STUM: variants seen among roughly 807,000 people sequenced by gnomAD.
STUM encodes the protein stum, mechanosensory transduction mediator homolog, also known as protein stum homolog.
In STUM, 8 loss-of-function variants were observed where a neutral mutation model predicts 15.3. The observed-to-expected ratio is 0.52, with a 90% confidence interval of 0.31 to 0.94. The LOEUF (loss-of-function observed/expected upper bound fraction) is 0.94, where lower values mean the gene tolerates loss of function less well. STUM is among the 40% of genes least tolerant of loss of function. The pLI, the probability that STUM is intolerant of heterozygous loss-of-function variation, is 0.05. For synonymous variants in STUM, 78 were observed against 88.7 expected, an observed-to-expected ratio of 0.88 and a Z score of 0.68; for missense variants, 142 against 204.9, an observed-to-expected ratio of 0.69 and a Z score of 1.87.
At chr1:226,575,536 G>A (rs1376109555) in intron 1 of STUM, among the ~76,000 whole-genome samples, 2 of 152,224 alleles carry the variant, frequency 1.3e-5, no homozygotes, top group Non-Finnish European at 1.5e-5. Flanking sequence ...TCTGGGTTGT[G>A]GGGAACAGAG....
At chr1:226,555,856 A>G (rs929680853) in intron 1 of STUM, among the ~76,000 whole-genome samples, 1 of 152,248 alleles carries the variant, frequency 6.6e-6, no homozygotes, top group Non-Finnish European at 1.5e-5. Flanking sequence ...TATAAGTCAC[A>G]TAGAGAATTT....
At chr1:226,585,220 G>A (rs1044987615) in intron 1 of STUM, among the ~76,000 whole-genome samples, 12 of 152,180 alleles carry the variant, frequency 7.9e-5, no homozygotes, top group South Asian at 6.2e-4. Context: ...ACAAGTCAAC[G>A]TGAGAGCAGG....
intron 1 of STUM, among the ~76,000 whole-genome samples, chr1:226,591,072 C>T (rs759124834): frequency 6.6e-5 from 10 of 152,196 alleles, no homozygotes; most frequent in African/African-American, 2.4e-4. Context: ...TTGGGTAGAG[C>T]GTTTTATTTA....
At position 226,609,059 on chromosome 1, in the gene STUM, T is replaced by C. The variant is rs1411330170; in HGVS notation, c.*7019T>C. The C allele has an allele frequency of 6.6e-6, 1 of 152,278 alleles. No homozygotes were observed. The highest frequency in any genetic ancestry group is 1.5e-5 in the Non-Finnish European group (1 of 68,042). 9.4% of individuals were successfully genotyped at this position (152,278 alleles called of 1,614,324 possible). On this transcript the variant is annotated 3_prime_UTR_variant, in exon 4 of 4. Transcript: ENST00000366788. ...GTACATATTTCCATGTACATATTTATACATACACACACCTTCCTATTATAA... is the reference window on the plus strand; with the variant it reads ...GTACATATTTCCATGTACATATTTACACATACACACACCTTCCTATTATAA...
intron 1 of STUM, among the ~76,000 whole-genome samples, chr1:226,557,660 A>G (rs1410904429): frequency 1.3e-5 from 2 of 152,196 alleles, no homozygotes; most frequent in Non-Finnish European, 2.9e-5. Context: ...TCATCTTTTT[A>G]ATAAAAGCCA....
In STUM at chr1:226,602,184, T is replaced by C. The variant is rs1668279564; in HGVS notation, c.*144T>C. On this transcript the variant is annotated 3_prime_UTR_variant, in exon 4 of 4. Transcript: ENST00000366788. ...GGGGTATTTTTAAAAATATTATTTA[T>C]TTTGAAAACGCATCTGCTTTTCTCA... 1.6e-6 allele frequency: 1 copy of C among 642,100 alleles called. No individual in the cohort carries two copies. The highest frequency in any genetic ancestry group is 2.7e-6 in the Non-Finnish European group (1 of 372,340). The allele number at this position is 642,100 out of a possible 1,614,324, so 39.8% of individuals were successfully genotyped here.
chr1:226,548,930 A>AGACGGC lies in STUM; in HGVS notation c.28_33dup (p.Thr10_Ala11dup). The AGACGGC allele has an allele frequency of 6.9e-7, 1 of 1,443,804 alleles. No individual in the cohort carries two copies. Among genetic ancestry groups the AGACGGC allele is most frequent in the South Asian group, 1.4e-5 (1 of 69,248 alleles). 89.4% of individuals were successfully genotyped at this position (1,443,804 alleles called of 1,614,324 possible). A position where few individuals can be genotyped will look rare whatever the true frequency, so the allele number is the denominator to read the frequency against. ...ATGGAGCCCTCGCACAAAGACGCCG[A>AGACGGC]GACGGCGGCGGCGGCGGCGGCGGTG... is the stretch of plus-strand genomic sequence containing the variant. On this transcript the variant is annotated inframe_insertion, in exon 1 of 4. Coordinates refer to ENST00000366788, the MANE Select transcript of STUM (RefSeq NM_001003665.4).
chr1:226,565,130 C>T lies in STUM; in HGVS notation c.202+16024C>T, dbSNP rs1667601416. Among the ~76,000 whole-genome samples, 1 of 152,154 alleles carries T rather than the reference C, an allele frequency of 6.6e-6. No homozygotes were observed. The highest frequency in any genetic ancestry group is 1.5e-5 in the Non-Finnish European group (1 of 68,028). Reference sequence around the variant, plus strand: ...GAGTTTGGGGTATTGGTTTCCCATTCCCTCCAACTTCCTGTCTATGACCAC... The same window carrying T: ...GAGTTTGGGGTATTGGTTTCCCATTTCCTCCAACTTCCTGTCTATGACCAC... On this transcript the variant is annotated intron_variant, in intron 1 of 3. Transcript: ENST00000366788. The surrounding 1 kb of genome is among the most constrained non-coding windows in gnomAD (Gnocchi z 4.4).
Position 226,601,120 on chromosome 1 carries a change from GT to G in STUM, c.391+456del, listed in dbSNP as rs3068290. 2.3e-4 allele frequency among the ~76,000 whole-genome samples: 35 copies of G among 149,920 alleles called. No individual in the cohort carries two copies. The South Asian group carries it at 4.9e-3, about 21-fold the overall frequency. On this transcript the variant is annotated intron_variant, in intron 3 of 3. Coordinates refer to ENST00000366788, the MANE Select transcript of STUM (RefSeq NM_001003665.4). ...AGCTGGGAATATTTCAGTAGGTATC[GT>G]TTTTTTTTTCTTCTTCTTCTTTTGA...
At chr1:226,590,943 T>C (rs751373225) in intron 1 of STUM, among the ~76,000 whole-genome samples, 5 of 152,110 alleles carry the variant, frequency 3.3e-5, no homozygotes, top group Non-Finnish European at 7.4e-5. Flanking sequence ...CTTGCCAGAG[T>C]GTGAGCTCCC....
At chr1:226,596,286 C>A (rs896073419) in intron 1 of STUM, among the ~76,000 whole-genome samples, 7 of 149,592 alleles carry the variant, frequency 4.7e-5, no homozygotes, top group African/African-American at 1.7e-4. Context: ...ACTGTAGGCT[C>A]TTGGCTCCTG....
intron 1 of STUM, among the ~76,000 whole-genome samples, chr1:226,576,818 G>T (rs1340881172): frequency 6.6e-6 from 1 of 152,172 alleles, no homozygotes; most frequent in Admixed American, 6.5e-5. Flanking sequence ...TGGACACACA[G>T]CTCTTTGGGC....
intron 2 of STUM, among the ~76,000 whole-genome samples, chr1:226,599,550 C>T (rs1668233940): frequency 6.6e-6 from 1 of 152,220 alleles, no homozygotes; most frequent in South Asian, 2.1e-4. Context: ...GGAAACTTTT[C>T]AGTTGTAACA....
chr1:226,551,255 C>T (rs1413838597), intron 1 of STUM, among the ~76,000 whole-genome samples: 1 of 152,180 alleles, frequency 6.6e-6, no homozygotes, highest in Non-Finnish European at 1.5e-5. Flanking sequence ...TAAAGCCCAG[C>T]GTCTGGTGCA....
In STUM at chr1:226,548,858, C is replaced by T. The variant is rs1298266225; in HGVS notation, c.-47C>T. 5.4e-6 allele frequency: 7 copies of T among 1,291,198 alleles called. No homozygotes were observed. Among genetic ancestry groups the T allele is most frequent in the Non-Finnish European group, 6.8e-6 (7 of 1,023,392 alleles). The allele number at this position is 1,291,198 out of a possible 1,614,324, so 80.0% of individuals were successfully genotyped here. A position where few individuals can be genotyped will look rare whatever the true frequency, so the allele number is the denominator to read the frequency against. ...CAGTCTCCTGCTCCCGTACGCTGGG[C>T]GCCAGCTCCGGCCGTGCTGCCCGGC... On this transcript the variant is annotated 5_prime_UTR_variant, in exon 1 of 4. Transcript: ENST00000366788.
chr1:226,577,779 C>G (rs969503806), intron 1 of STUM, among the ~76,000 whole-genome samples: 1 of 151,904 alleles, frequency 6.6e-6, no homozygotes, highest in Non-Finnish European at 1.5e-5. Context: ...GTCCTGCAGT[C>G]TTCTCCCCAG....
intron 2 of STUM, 45 bp downstream of exon 2, chr1:226,597,026 C>A: frequency 6.3e-7 from 1 of 1,583,378 alleles, no homozygotes; most frequent in South Asian, 1.1e-5. Context: ...GGGGAGTGGC[C>A]AGGGACAGGA....
At position 226,549,742 on chromosome 1, in the gene STUM, T is replaced by C. The variant is rs999917468; in HGVS notation, c.202+636T>C. Among the ~76,000 whole-genome samples the C allele has an allele frequency of 6.6e-6, 1 of 152,134 alleles. No homozygotes were observed. The highest frequency in any genetic ancestry group is 2.4e-5 in the African/African-American group (1 of 41,416). On this transcript the variant is annotated intron_variant, in intron 1 of 3. Transcript: ENST00000366788. The surrounding 1 kb of genome is among the most constrained non-coding windows in gnomAD (Gnocchi z 6.8). ...GGGATGGGGGATGATTTTATTAGTT[T>C]GGATGCATGTGGCCAGAGATGAACC...
intron 1 of STUM, among the ~76,000 whole-genome samples, chr1:226,554,607 T>C (rs1333560475): frequency 6.6e-6 from 1 of 152,120 alleles, no homozygotes; most frequent in Non-Finnish European, 1.5e-5. Context: ...GGATAGGTAA[T>C]GTCTGAATTT....
Sources: allele counts gnomAD v4.1 joint callset (sites outside exome capture counted in the v4.1 genomes callset), GRCh38; gene constraint gnomAD v4.1.1; non-coding constraint Gnocchi (gnomAD v3.1); transcripts MANE v1.5; gene names NCBI Gene and HGNC (gene_info 2026-07-23, HGNC 2026-07-21).